Variants in CENPU observed in about 807,000 individuals in gnomAD.
The protein encoded by CENPU is KSHV latent nuclear antigen interacting protein 1.
In CENPU, 46 loss-of-function variants were observed where a neutral mutation model predicts 56.7. The ratio of observed to expected loss-of-function variants is 0.81; its 90% CI spans 0.64 to 1.04. CENPU has a LOEUF of 1.04. Among genes scored for constraint, CENPU ranks in the 50% least tolerant of loss-of-function variants. The pLI is 0.00. For missense variants in CENPU, 510 were observed against 490.1 expected (o/e 1.04, Z -0.38); for synonymous variants, 166 against 163.0 (o/e 1.02, Z -0.14).
At chr4:184,733,079 G>C (rs1006978429) in intron 1 of CENPU, among the ~76,000 whole-genome samples, 1 of 151,926 alleles carries the variant, frequency 6.6e-6, no homozygotes, top group Non-Finnish European at 1.5e-5. Context: ...ACCCAAAAAT[G>C]TTAAAAGATA....
intron 8 of CENPU, among the ~76,000 whole-genome samples, chr4:184,706,149 T>TA (rs1760720351): frequency 1.4e-5 from 2 of 145,274 alleles, no homozygotes; most frequent in Non-Finnish European, 1.5e-5. Context: ...AAGCCCCACT[T>TA]TAAAAAAAAG....
Position 184,697,895 on chromosome 4 carries a change from G to A in CENPU, c.987-92C>T, listed in dbSNP as rs1001982350. On this transcript the variant is annotated intron_variant, in intron 11 of 12. Coordinates refer to ENST00000281453, the MANE Select transcript of CENPU (RefSeq NM_024629.4). Reference sequence around the variant, plus strand: ...GTACGCTGAGCGAGTGTGAAGAACCGGGGCTGGCCAACTAGATGACTTGCT... The same window carrying A: ...GTACGCTGAGCGAGTGTGAAGAACCAGGGCTGGCCAACTAGATGACTTGCT... 7 of 915,340 alleles carry A rather than the reference G, an allele frequency of 7.6e-6. No individual in the cohort carries two copies. The South Asian group carries it at 8.9e-5, about 12-fold the overall frequency. 56.7% of individuals were successfully genotyped at this position (915,340 alleles called of 1,614,324 possible).
intron 12 of CENPU, among the ~76,000 whole-genome samples, chr4:184,696,516 G>A (rs1760323296): frequency 6.6e-6 from 1 of 152,010 alleles, no homozygotes; most frequent in Non-Finnish European, 1.5e-5. Context: ...CAAATCATAA[G>A]CTTTGGACTA....
Position 184,695,497 on chromosome 4 carries a change from C to T in CENPU, c.1144-96G>A. 7 of 756,862 alleles carry T rather than the reference C, an allele frequency of 9.2e-6. No homozygotes were observed. In the Admixed American group the frequency reaches 1.3e-4, roughly 14 times the overall value. The allele number at this position is 756,862 out of a possible 1,614,324, so 46.9% of individuals were successfully genotyped here. A position where few individuals can be genotyped will look rare whatever the true frequency, so the allele number is the denominator to read the frequency against. On this transcript the variant is annotated intron_variant, in intron 12 of 12. Coordinates refer to ENST00000281453, the MANE Select transcript of CENPU (RefSeq NM_024629.4). ...ATGACTAATGCAAATTTTGATTGAG[C>T]TTTCCATTAACTACTCCTCCTCTCA... is the stretch of plus-strand genomic sequence containing the variant.
intron 8 of CENPU, among the ~76,000 whole-genome samples, chr4:184,705,248 G>A (rs1760685837): frequency 6.6e-6 from 1 of 152,144 alleles, no homozygotes. Flanking sequence ...GCAATGAAGT[G>A]GAATGGAATC....
chr4:184,722,649 C>T (rs1362826117), intron 4 of CENPU, among the ~76,000 whole-genome samples: 1 of 149,148 alleles, frequency 6.7e-6, no homozygotes, highest in Non-Finnish European at 1.5e-5. Flanking sequence ...AAAAAAAAAC[C>T]ACCACCATTA....
At chr4:184,724,871 C>A (rs974941797) in intron 4 of CENPU, 86 bp downstream of exon 4, 1 of 865,804 alleles carries the variant, frequency 1.2e-6, no homozygotes, top group Non-Finnish European at 1.8e-6. Context: ...TCTTGAAATG[C>A]TTTTGTTTTA....
Position 184,717,199 on chromosome 4 carries a change from G to A in CENPU, c.321-3C>T. ...CTTCATTTCCAGAAGTGTCTGAACT[G>A]TAAAAAGTACAAGCCATCAATATCT... On this transcript the variant is annotated splice_region_variant and splice_polypyrimidine_tract_variant and intron_variant, in intron 4 of 12. Transcript: ENST00000281453. 1 of 1,609,528 alleles carries A rather than the reference G, an allele frequency of 6.2e-7. No individual in the cohort carries two copies. Among genetic ancestry groups the A allele is most frequent in the Non-Finnish European group, 8.5e-7 (1 of 1,177,972 alleles).
intron 8 of CENPU, among the ~76,000 whole-genome samples, chr4:184,708,422 AAATTCTTAG>A (rs936009425): frequency 6.6e-6 from 1 of 151,886 alleles, no homozygotes; most frequent in Non-Finnish European, 1.5e-5. Flanking sequence ...AAAATATTTT[AAATTCTTAG>A]AATTAAAAAA....
chr4:184,710,998 A>G (rs1326564406), intron 7 of CENPU, among the ~76,000 whole-genome samples: 1 of 152,028 alleles, frequency 6.6e-6, no homozygotes, highest in Admixed American at 6.6e-5. Flanking sequence ...TGGGACTACA[A>G]GTGTACGCCA....
At chr4:184,702,631 G>A (rs1333909730) in intron 8 of CENPU, 190 bp from the exon 9 acceptor site, 3 of 457,318 alleles carry the variant, frequency 6.6e-6, no homozygotes, top group Non-Finnish European at 7.7e-6. Context: ...TGGGCATACT[G>A]CATGACACTG....
chr4:184,715,305 G>A (rs73022625), intron 6 of CENPU, among the ~76,000 whole-genome samples: 1,950 of 152,192 alleles, frequency 0.013, 46 homozygotes, highest in African/African-American at 0.044. Context: ...AAGAATTTTA[G>A]CACCAATAAG....
intron 3 of CENPU, among the ~76,000 whole-genome samples, chr4:184,727,116 C>CAAAAAAAAAA (rs59124760): frequency 6.9e-5 from 6 of 86,768 alleles, no homozygotes; most frequent in African/African-American, 2.5e-4. Flanking sequence ...ACTTCGTCTC[C>CAAAAAAAAAA]AAAAAAAAAA....
At chr4:184,707,839 GA>G in intron 8 of CENPU, among the ~76,000 whole-genome samples, 1 of 152,296 alleles carries the variant, frequency 6.6e-6, no homozygotes, top group East Asian at 1.9e-4. Flanking sequence ...AGGTATTTTA[GA>G]ATAGCTGATC....
intron 3 of CENPU, among the ~76,000 whole-genome samples, chr4:184,726,312 C>G (rs1761449203): frequency 6.6e-6 from 1 of 151,254 alleles, no homozygotes; most frequent in Non-Finnish European, 1.5e-5. Flanking sequence ...AAAGGGTGAA[C>G]AGAAACTTCT....
chr4:184,695,152 A>G lies in CENPU; in HGVS notation c.*136T>C. On this transcript the variant is annotated 3_prime_UTR_variant, in exon 13 of 13. Coordinates refer to ENST00000281453, the MANE Select transcript of CENPU (RefSeq NM_024629.4). Reference sequence around the variant, plus strand: ...TATTTAACATTGTTCACAGCCATTTAATTTGAATAACAAATTTTAGATTCT... The same window carrying G: ...TATTTAACATTGTTCACAGCCATTTGATTTGAATAACAAATTTTAGATTCT... 1 of 639,850 alleles carries G rather than the reference A, an allele frequency of 1.6e-6. No individual in the cohort carries two copies. Among genetic ancestry groups the G allele is most frequent in the Non-Finnish European group, 2.8e-6 (1 of 361,272 alleles). The allele number at this position is 639,850 out of a possible 1,614,324, so 39.6% of individuals were successfully genotyped here.
At chr4:184,711,977 C>T (rs1364991451) in intron 7 of CENPU, among the ~76,000 whole-genome samples, 2 of 151,794 alleles carry the variant, frequency 1.3e-5, no homozygotes, top group Non-Finnish European at 2.9e-5. Flanking sequence ...AAAAATTAGC[C>T]GGGCATGGTG....
chr4:184,721,139 T>A (rs926726207), intron 4 of CENPU, among the ~76,000 whole-genome samples: 1 of 152,230 alleles, frequency 6.6e-6, no homozygotes, highest in African/African-American at 2.4e-5. Context: ...TAGTTTTTAT[T>A]AGTTTTCTTT....
intron 3 of CENPU, among the ~76,000 whole-genome samples, chr4:184,728,507 G>T (rs35818632): frequency 0.12 from 18,628 of 152,112 alleles, 1,325 homozygotes; most frequent in Middle Eastern, 0.17. Context: ...GAACACAGGT[G>T]AAGCTCTCCC....
Sources: gnomAD v4.1 joint callset for allele counts (sites outside exome capture counted in the v4.1 genomes callset) on GRCh38, gnomAD v4.1.1 for gene constraint, MANE v1.5 for transcripts, NCBI Gene and HGNC (gene_info 2026-07-23, HGNC 2026-07-21) for gene names.